The following FOXN3 variants were observed in gnomAD, a reference collection of about 807,000 sequenced individuals.
The protein encoded by FOXN3 is forkhead box N3.
In FOXN3, 7 loss-of-function variants were observed where a neutral mutation model predicts 38.4. The observed-to-expected ratio is 0.18, with a 90% CI of 0.10 to 0.34. FOXN3 has a LOEUF of 0.34. Ranked by LOEUF, FOXN3 falls within the 10% of genes least tolerant of loss-of-function variation. FOXN3 has a pLI of 1.00. For missense variants in FOXN3, 456 were observed against 613.4 expected (o/e 0.74, Z 2.71); for synonymous variants, 230 against 242.2 (o/e 0.95, Z 0.47).
intron 4 of FOXN3, among the ~76,000 whole-genome samples, chr14:89,209,171 T>C (rs989839045): frequency 6.6e-6 from 1 of 152,234 alleles, no homozygotes; most frequent in African/African-American, 2.4e-5. Flanking sequence ...GGTGAGGAAC[T>C]CACAGAACCA....
chr14:89,527,926 T>C lies in FOXN3; in HGVS notation c.-15+91102A>G, dbSNP rs531291717. On this transcript the variant is annotated intron_variant, in intron 1 of 6. Transcript: ENST00000345097. ...CATGTTGACCAGGTTGGTCTCGAAC[T>C]CCTGACCTCAGGGGATCCACCTGTC... is the stretch of plus-strand genomic sequence containing the variant. 3.3e-5 allele frequency among the ~76,000 whole-genome samples: 5 copies of C among 152,258 alleles called. No homozygotes were observed. The East Asian group carries it at 9.6e-4, about 29-fold the overall frequency.
intron 2 of FOXN3, among the ~76,000 whole-genome samples, chr14:89,388,664 G>A (rs78582201): frequency 2.6e-5 from 4 of 151,968 alleles, no homozygotes; most frequent in African/African-American, 9.7e-5. Flanking sequence ...TGCCAGGAAG[G>A]CGAGCAGGAG....
In FOXN3 at chr14:89,350,513, C is replaced by A. The variant is rs983545725; in HGVS notation, c.680+159G>T. On this transcript the variant is annotated intron_variant, in intron 3 of 5. Coordinates refer to ENST00000557258, the MANE Select transcript of FOXN3 (RefSeq NM_005197.4). ...GCAGCGGTAAGGTTTGTAGGAAATA[C>A]AACAGTGGATATGCCTCCTAATAAT... The A allele has an allele frequency of 5.1e-6, 3 of 582,696 alleles. No homozygotes were observed. The East Asian group carries it at 1.0e-4, about 20-fold the overall frequency. The allele number at this position is 582,696 out of a possible 1,614,324, so 36.1% of individuals were successfully genotyped here.
chr14:89,447,871 G>A (rs2139706428), intron 1 of FOXN3, among the ~76,000 whole-genome samples: 1 of 134,444 alleles, frequency 7.4e-6, no homozygotes, highest in South Asian at 2.4e-4. Context: ...AAGCTGGAGT[G>A]CAATGGCACC....
At chr14:89,177,293 G>T (rs1038223571) in intron 5 of FOXN3, among the ~76,000 whole-genome samples, 5 of 152,298 alleles carry the variant, frequency 3.3e-5, no homozygotes, top group African/African-American at 1.2e-4. Context: ...TTACAGGTGT[G>T]AGCCATCGTG....
intron 3 of FOXN3, among the ~76,000 whole-genome samples, chr14:89,292,682 C>G (rs923253069): frequency 3.3e-5 from 5 of 152,136 alleles, no homozygotes; most frequent in African/African-American, 4.8e-5. Context: ...GCAGCCCTCA[C>G]CAGACAATGA....
At chr14:89,181,679 G>T (rs1315231571) in intron 4 of FOXN3, among the ~76,000 whole-genome samples, 2 of 152,152 alleles carry the variant, frequency 1.3e-5, no homozygotes, top group Non-Finnish European at 2.9e-5. Context: ...CAAACTCCAA[G>T]ATCTCCACAC....
intron 1 of FOXN3, among the ~76,000 whole-genome samples, chr14:89,574,986 G>C (rs17126077): frequency 0.081 from 12,327 of 152,216 alleles, 1,201 homozygotes; most frequent in African/African-American, 0.23. Context: ...CAGCTGATCG[G>C]TATGCAAACA....
Position 89,158,301 on chromosome 14 carries a change from C to T in FOXN3, c.*4113G>A, listed in dbSNP as rs1392531699. 1 of 152,328 alleles carries T rather than the reference C, an allele frequency of 6.6e-6. No homozygotes were observed. The highest frequency in any genetic ancestry group is 1.5e-5 in the Non-Finnish European group (1 of 68,116). 9.4% of individuals were successfully genotyped at this position (152,328 alleles called of 1,614,324 possible). On this transcript the variant is annotated 3_prime_UTR_variant, in exon 6 of 6. Transcript: ENST00000557258. ...CCACTGCCTGATGCTGTCCCTCAGGCAGGAGCCTCCTTCAACACAACGGCC... is the reference window on the plus strand; with the variant it reads ...CCACTGCCTGATGCTGTCCCTCAGGTAGGAGCCTCCTTCAACACAACGGCC...
intron 3 of FOXN3, among the ~76,000 whole-genome samples, chr14:89,318,683 C>T (rs577870369): frequency 6.6e-6 from 1 of 152,312 alleles, no homozygotes; most frequent in Admixed American, 6.5e-5. Context: ...ATGAGAAAGG[C>T]AGTGTTTTTA....
In FOXN3 at chr14:89,240,786, A is replaced by AT. The variant is rs1387074395; in HGVS notation, c.745+40163dup. 4.6e-5 allele frequency among the ~76,000 whole-genome samples: 7 copies of AT among 152,120 alleles called. No homozygotes were observed. In the East Asian group the frequency reaches 1.2e-3, roughly 25 times the overall value. On this transcript the variant is annotated intron_variant, in intron 4 of 5. Coordinates refer to ENST00000557258, the MANE Select transcript of FOXN3 (RefSeq NM_005197.4). ...TTTTGGTATAATGTTTTTTATTACT[A>AT]TTTTTTTAAACAACATACTAAAAAG...
intron 4 of FOXN3, among the ~76,000 whole-genome samples, chr14:89,191,458 C>A (rs1467420165): frequency 1.3e-5 from 2 of 152,152 alleles, no homozygotes; most frequent in Admixed American, 1.3e-4. Context: ...CCTTCCCTTG[C>A]AGATTACTGC....
intron 4 of FOXN3, among the ~76,000 whole-genome samples, chr14:89,188,924 T>C (rs1296295738): frequency 6.6e-6 from 1 of 152,140 alleles, no homozygotes; most frequent in African/African-American, 2.4e-5. Flanking sequence ...GGTTAACTGC[T>C]AGTTATAGAG....
intron 4 of FOXN3, among the ~76,000 whole-genome samples, chr14:89,266,761 A>C (rs781407114): frequency 1.3e-5 from 2 of 152,132 alleles, no homozygotes; most frequent in Non-Finnish European, 2.9e-5. Flanking sequence ...CTTATACGAG[A>C]GGCTGCTGTT....
chr14:89,329,983 T>A (rs945645398), intron 3 of FOXN3, among the ~76,000 whole-genome samples: 1 of 150,758 alleles, frequency 6.6e-6, no homozygotes, highest in East Asian at 2.0e-4. Context: ...AAGATCATTA[T>A]CATGATGTGT....
intron 4 of FOXN3, among the ~76,000 whole-genome samples, chr14:89,216,925 G>C (rs944282407): frequency 2.0e-5 from 3 of 152,132 alleles, no homozygotes; most frequent in Admixed American, 6.5e-5. Context: ...GATGCTTCTT[G>C]AGGGCAAGGA....
rs2139895871 is a variant in FOXN3 at position 89,264,192 on chromosome 14, TGCTGCTGATAA to T, written c.745+16747_745+16757del. On this transcript the variant is annotated intron_variant, in intron 4 of 5. Coordinates refer to ENST00000557258, the MANE Select transcript of FOXN3 (RefSeq NM_005197.4). ...TGCACTCTGTATTAGTCCATTTTCA[TGCTGCTGATAA>T]AGACATACCCGAGACTGGGTAATTT... The T allele has an allele frequency of 2.0e-5, 3 of 153,558 alleles. No individual in the cohort carries two copies. In the South Asian group the frequency reaches 6.2e-4, roughly 32 times the overall value. 9.5% of individuals were successfully genotyped at this position (153,558 alleles called of 1,614,324 possible).
At chr14:89,333,272 C>CAA (rs143919360) in intron 3 of FOXN3, 30 of 152,176 alleles carry the variant, frequency 2.0e-4, no homozygotes, top group Admixed American at 5.3e-4. Flanking sequence ...AATAAAAATA[C>CAA]AAAAAAAAAT....
At chr14:89,384,390 A>G (rs1483049258) in intron 2 of FOXN3, among the ~76,000 whole-genome samples, 3 of 152,218 alleles carry the variant, frequency 2.0e-5, no homozygotes, top group Admixed American at 6.5e-5. Flanking sequence ...CCAGAACCCA[A>G]GTCTCCTGAG....
Sources: gnomAD v4.1 joint callset for allele counts (sites outside exome capture counted in the v4.1 genomes callset) on GRCh38, gnomAD v4.1.1 for gene constraint, MANE v1.5 for transcripts, NCBI Gene and HGNC (gene_info 2026-07-23, HGNC 2026-07-21) for gene names.